Variants in LHPP observed in about 807,000 individuals in gnomAD.
LHPP encodes hLHPP.
In LHPP, 24 loss-of-function variants were observed where a neutral mutation model predicts 30.3. That is an observed-to-expected ratio of 0.79 (90% CI 0.57 to 1.11). LHPP has a LOEUF of 1.11. Ranked by LOEUF, LHPP falls within the 50% of genes most tolerant of loss-of-function variation. The pLI is 0.00. For synonymous variants in LHPP, 150 were observed against 157.1 expected, an observed-to-expected ratio of 0.95 and a Z score of 0.34; for missense variants, 356 against 367.2, an observed-to-expected ratio of 0.97 and a Z score of 0.25.
At chr10:124,468,087 G>T (rs1952613434) in intron 1 of LHPP, among the ~76,000 whole-genome samples, 1 of 152,172 alleles carries the variant, frequency 6.6e-6, no homozygotes, top group Non-Finnish European at 1.5e-5. Context: ...GGGGTGTTGG[G>T]AAATGTCACA....
chr10:124,613,805 C>T lies in LHPP; in HGVS notation c.*445C>T, dbSNP rs1008201830. 1.5e-5 allele frequency: 3 copies of T among 198,510 alleles called. No homozygotes were observed. Among genetic ancestry groups the T allele is most frequent in the Non-Finnish European group, 3.1e-5 (3 of 96,416 alleles). The allele number at this position is 198,510 out of a possible 1,614,324, so 12.3% of individuals were successfully genotyped here. ...GACTCTTTGCATTTCAGTGAAGAGC[C>T]TGGAAGAAACCCAGGGGCCTCCTAT... On this transcript the variant is annotated 3_prime_UTR_variant, in exon 7 of 7. Coordinates refer to ENST00000368842, the MANE Select transcript of LHPP (RefSeq NM_022126.4).
chr10:124,525,167 C>T (rs887820377), intron 6 of LHPP, among the ~76,000 whole-genome samples: 4 of 152,188 alleles, frequency 2.6e-5, no homozygotes, highest in East Asian at 1.9e-4. Flanking sequence ...CACACTGTAC[C>T]GTTGAGCTGT....
At chr10:124,567,811 C>T (rs1219307338) in intron 6 of LHPP, among the ~76,000 whole-genome samples, 4 of 152,250 alleles carry the variant, frequency 2.6e-5, no homozygotes, top group Non-Finnish European at 5.9e-5. Flanking sequence ...CATGCATGCA[C>T]ACACTGTACC....
intron 6 of LHPP, among the ~76,000 whole-genome samples, chr10:124,573,420 T>C (rs1462919715): frequency 6.6e-6 from 1 of 152,162 alleles, no homozygotes; most frequent in African/African-American, 2.4e-5. Flanking sequence ...CAAGTGATCC[T>C]CCCGCCTCAG....
At chr10:124,502,788 T>G (rs1393778749) in intron 5 of LHPP, among the ~76,000 whole-genome samples, 2 of 147,114 alleles carry the variant, frequency 1.4e-5, no homozygotes, top group Admixed American at 1.4e-4. Context: ...GTGATTCTCC[T>G]GCCTCAGCCT....
In LHPP at chr10:124,592,969, C is replaced by T. The variant is rs1004556540; in HGVS notation, c.717-20295C>T. 2.6e-5 allele frequency among the ~76,000 whole-genome samples: 4 copies of T among 152,180 alleles called. No homozygotes were observed. The highest frequency in any genetic ancestry group is 1.9e-4 in the East Asian group (1 of 5,184). On this transcript the variant is annotated intron_variant, in intron 6 of 6. Coordinates refer to ENST00000368842, the MANE Select transcript of LHPP (RefSeq NM_022126.4). This position sits in a 1 kb window ranked among gnomAD's most constrained non-coding sequence, Gnocchi z 6.2. ...CAGAATGAATGGACCCTCACTGGGC[C>T]GCTTTGACAGTTTATGAGGTGATGA...
In LHPP at chr10:124,510,533, G is replaced by A. The variant is rs1055714889; in HGVS notation, c.625-6647G>A. Among the ~76,000 whole-genome samples the A allele has an allele frequency of 5.9e-5, 9 of 152,288 alleles. No homozygotes were observed. The highest frequency in any genetic ancestry group is 1.9e-4 in the African/African-American group (8 of 41,552). ...GAGAACTCTTCCTCCAAGAGACCAC[G>A]TTCCTCTGGTCCTGTCTCCGTGGGC... On this transcript the variant is annotated intron_variant, in intron 5 of 6. Transcript: ENST00000368842. The surrounding 1 kb of genome is among the most constrained non-coding windows in gnomAD (Gnocchi z 4.0).
intron 6 of LHPP, among the ~76,000 whole-genome samples, chr10:124,610,068 T>G (rs1248821957): frequency 6.6e-6 from 1 of 152,246 alleles, no homozygotes; most frequent in Admixed American, 6.5e-5. Context: ...TTTTCCAATG[T>G]GGCCCGTACC....
chr10:124,568,473 G>T (rs1191866084), intron 6 of LHPP, among the ~76,000 whole-genome samples: 1 of 152,156 alleles, frequency 6.6e-6, no homozygotes, highest in Admixed American at 6.5e-5. Flanking sequence ...GCGCGATGAG[G>T]CCCCTTTCGA....
intron 6 of LHPP, among the ~76,000 whole-genome samples, chr10:124,581,476 G>A (rs1480682136): frequency 1.3e-5 from 2 of 152,198 alleles, no homozygotes; most frequent in Non-Finnish European, 1.5e-5. Context: ...GGAATTGCCA[G>A]ACTATTCAAA....
At chr10:124,552,539 T>C (rs1215869307) in intron 6 of LHPP, among the ~76,000 whole-genome samples, 1 of 152,234 alleles carries the variant, frequency 6.6e-6, no homozygotes, top group Non-Finnish European at 1.5e-5. Flanking sequence ...ATTAATGGGC[T>C]GTTGGGTGTC....
At chr10:124,512,815 A>G (rs1410433311) in intron 5 of LHPP, among the ~76,000 whole-genome samples, 1 of 152,034 alleles carries the variant, frequency 6.6e-6, no homozygotes, top group African/African-American at 2.4e-5. Context: ...GCTCAGCGTG[A>G]GACAGGAGTG....
intron 5 of LHPP, among the ~76,000 whole-genome samples, chr10:124,509,694 C>T (rs1954252352): frequency 6.6e-6 from 1 of 151,760 alleles, no homozygotes; most frequent in Non-Finnish European, 1.5e-5. Flanking sequence ...TCCTTTGGGG[C>T]CTGGATTCAG....
chr10:124,491,985 T>C (rs1953546876), intron 3 of LHPP, among the ~76,000 whole-genome samples: 1 of 152,218 alleles, frequency 6.6e-6, no homozygotes, highest in South Asian at 2.1e-4. Flanking sequence ...GGGGATATTT[T>C]ACACAAAATA....
In LHPP at chr10:124,596,367, G is replaced by A. The variant is rs189882076; in HGVS notation, c.717-16897G>A. 2.6e-3 allele frequency among the ~76,000 whole-genome samples: 401 copies of A among 152,212 alleles called. 1 individual carries two copies. Among genetic ancestry groups the A allele is most frequent in the African/African-American group, 9.2e-3 (384 of 41,524 alleles). ...GTCTGATGTACCATGTTGCGCTCCC[G>A]CCAGCCTCGCTGAGTTCCCATAGCA... On this transcript the variant is annotated intron_variant, in intron 6 of 6. Coordinates refer to ENST00000368842, the MANE Select transcript of LHPP (RefSeq NM_022126.4). This position sits in a 1 kb window ranked among gnomAD's most constrained non-coding sequence, Gnocchi z 4.6.
intron 2 of LHPP, among the ~76,000 whole-genome samples, chr10:124,486,471 G>A (rs534796307): frequency 2.0e-4 from 31 of 152,334 alleles, no homozygotes; most frequent in South Asian, 1.4e-3. Flanking sequence ...ACTTATTACT[G>A]TGAAAGAATA....
chr10:124,574,679 G>A (rs1040580008), intron 6 of LHPP, among the ~76,000 whole-genome samples: 4 of 152,164 alleles, frequency 2.6e-5, no homozygotes, highest in African/African-American at 9.7e-5. Context: ...TCTGATTTGG[G>A]CCCCGTAGGG....
chr10:124,557,648 G>T (rs1424202529), intron 6 of LHPP, among the ~76,000 whole-genome samples: 2 of 152,204 alleles, frequency 1.3e-5, no homozygotes, highest in Admixed American at 6.5e-5. Flanking sequence ...AGGTCTTGGG[G>T]TGAGGCTGGG....
chr10:124,512,254 G>C (rs953890728), intron 5 of LHPP, among the ~76,000 whole-genome samples: 1 of 152,154 alleles, frequency 6.6e-6, no homozygotes, highest in African/African-American at 2.4e-5. Flanking sequence ...TGCAGGTCGG[G>C]GGCCTCTCTG....
Sources: allele counts gnomAD v4.1 joint callset (sites outside exome capture counted in the v4.1 genomes callset), GRCh38; gene constraint gnomAD v4.1.1; non-coding constraint Gnocchi (gnomAD v3.1); transcripts MANE v1.5; gene names NCBI Gene and HGNC (gene_info 2026-07-23, HGNC 2026-07-21).